Variants in PPP2CB observed in about 807,000 individuals in gnomAD.
The protein encoded by PPP2CB is serine/threonine-protein phosphatase 2A catalytic subunit beta isoform.
Under a neutral mutation model 39.1 loss-of-function variants are expected in PPP2CB, and 18 were observed. The observed-to-expected ratio is 0.46, with a 90% CI of 0.32 to 0.68. The LOEUF (loss-of-function observed/expected upper bound fraction) is 0.68. Ranked by LOEUF, PPP2CB falls within the 30% of genes least tolerant of loss-of-function variation. PPP2CB has a pLI of 0.04. For missense variants in PPP2CB, 226 were observed against 396.9 expected (o/e 0.57, Z 3.66); for synonymous variants, 129 against 133.8 (o/e 0.96, Z 0.25).
chr8:30,811,182 T>C (rs993836318), intron 1 of PPP2CB, among the ~76,000 whole-genome samples: 2 of 152,198 alleles, frequency 1.3e-5, no homozygotes, highest in African/African-American at 4.8e-5. Context: ...ACACTCACGA[T>C]GTACAAGAAC....
At position 30,807,045 on chromosome 8, in the gene PPP2CB, G is replaced by C. The variant is rs1563217727; in HGVS notation, c.102+5275C>G. ...TTTAATTTCTTTACCTGTCCACTAA[G>C]AGGCTGGCTTAGCAAGGAAAACAAT... On this transcript the variant is annotated intron_variant, in intron 1 of 6. Coordinates refer to ENST00000221138, the MANE Select transcript of PPP2CB (RefSeq NM_001009552.2). Among the ~76,000 whole-genome samples, 5 of 152,290 alleles carry C rather than the reference G, an allele frequency of 3.3e-5. No homozygotes were observed. The South Asian group carries it at 6.2e-4, about 19-fold the overall frequency.
intron 6 of PPP2CB, among the ~76,000 whole-genome samples, chr8:30,790,748 T>C (rs147267516): frequency 1.6e-4 from 24 of 152,282 alleles, no homozygotes; most frequent in Non-Finnish European, 3.1e-4. Context: ...AACTCCAGAC[T>C]AGGAGAGGTG....
At chr8:30,807,008 A>G (rs1424708866) in intron 1 of PPP2CB, among the ~76,000 whole-genome samples, 2 of 152,240 alleles carry the variant, frequency 1.3e-5, no homozygotes, top group African/African-American at 4.8e-5. Flanking sequence ...AGTTCATGCT[A>G]GTCTAGTTTG....
chr8:30,812,328 A>G lies in PPP2CB; in HGVS notation c.94T>C (p.Cys32Arg). 6.5e-7 allele frequency: 1 copy of G among 1,529,650 alleles called. No homozygotes were observed. The highest frequency in any genetic ancestry group is 1.4e-5 in the African/African-American group (1 of 70,226). The allele number at this position is 1,529,650 out of a possible 1,614,324, so 94.8% of individuals were successfully genotyped here. The change falls in exon 1 of 7, where the codon TGC becomes CGC. Residue 32 changes from cysteine (C) to arginine (R), a missense_variant. Physicochemically the swap from Cys to Arg is radical, Grantham distance 180. Coordinates refer to ENST00000221138, the MANE Select transcript of PPP2CB (RefSeq NM_001009552.2). ...CCCCGCGGCGCCCTCACCTTCTCGC[A>G]CAGCGTCCGCACTTGGTTCTCGTTC... Reference protein sequence around the residue: ...QLNENQVRTLCEKAKEILTKE... With the variant: ...QLNENQVRTLREKAKEILTKE...
At chr8:30,804,297 T>A (rs529693577) in intron 1 of PPP2CB, among the ~76,000 whole-genome samples, 14 of 152,294 alleles carry the variant, frequency 9.2e-5, no homozygotes, top group African/African-American at 2.4e-4. Flanking sequence ...GGAATAAAAA[T>A]CTGTATAGTG....
intron 2 of PPP2CB, 71 bp downstream of exon 2, chr8:30,799,475 T>C: frequency 1.6e-6 from 2 of 1,232,362 alleles, no homozygotes; most frequent in Admixed American, 1.9e-5. Context: ...ACAGATGATA[T>C]GCAATACTGT....
At chr8:30,790,723 G>C (rs1806415418) in intron 6 of PPP2CB, among the ~76,000 whole-genome samples, 1 of 152,222 alleles carries the variant, frequency 6.6e-6, no homozygotes, top group African/African-American at 2.4e-5. Flanking sequence ...TGTCTACCAG[G>C]AGTAGAGCTT....
intron 1 of PPP2CB, among the ~76,000 whole-genome samples, chr8:30,811,501 A>T (rs1806825268): frequency 6.9e-6 from 1 of 144,738 alleles, no homozygotes; most frequent in African/African-American, 2.7e-5. Context: ...TTCAAGAATC[A>T]GCGATTTTTT....
intron 5 of PPP2CB, chr8:30,793,531 A>G: frequency 6.2e-6 from 1 of 161,836 alleles, no homozygotes; most frequent in Non-Finnish European, 1.3e-5. Flanking sequence ...TACAAAATAC[A>G]CATAGAAAGT....
At chr8:30,804,303 T>C (rs1043417748) in intron 1 of PPP2CB, among the ~76,000 whole-genome samples, 2 of 152,200 alleles carry the variant, frequency 1.3e-5, no homozygotes, top group Non-Finnish European at 2.9e-5. Flanking sequence ...AAAATCTGTA[T>C]AGTGAAGAAT....
chr8:30,786,365 G>C (rs1378883236), intron 6 of PPP2CB, 58 bp from the exon 7 acceptor site: 3 of 1,377,164 alleles, frequency 2.2e-6, no homozygotes, highest in African/African-American at 1.5e-5. Flanking sequence ...GAAAACAAAT[G>C]AATAAAGAAC....
At chr8:30,790,195 T>C (rs546247806) in intron 6 of PPP2CB, among the ~76,000 whole-genome samples, 4 of 152,210 alleles carry the variant, frequency 2.6e-5, no homozygotes, top group Non-Finnish European at 5.9e-5. Context: ...GTACAATCTA[T>C]GTGTGGCTTG....
At chr8:30,804,064 G>T (rs1450802271) in intron 1 of PPP2CB, among the ~76,000 whole-genome samples, 1 of 151,992 alleles carries the variant, frequency 6.6e-6, no homozygotes, top group Non-Finnish European at 1.5e-5. Context: ...CTCGTGATCC[G>T]CCCGCCTCGG....
intron 1 of PPP2CB, among the ~76,000 whole-genome samples, chr8:30,801,465 C>T (rs962523068): frequency 2.7e-5 from 4 of 150,900 alleles, no homozygotes; most frequent in East Asian, 3.9e-4. Flanking sequence ...ACCTGGGAGG[C>T]GGAGCTTGCA....
At chr8:30,802,616 A>G (rs1806645313) in intron 1 of PPP2CB, among the ~76,000 whole-genome samples, 1 of 152,158 alleles carries the variant, frequency 6.6e-6, no homozygotes, top group Non-Finnish European at 1.5e-5. Flanking sequence ...AAGTGCTGAG[A>G]TTGCAGGTCT....
At chr8:30,811,369 T>C (rs757216787) in intron 1 of PPP2CB, among the ~76,000 whole-genome samples, 8 of 152,282 alleles carry the variant, frequency 5.3e-5, no homozygotes, top group Non-Finnish European at 1.2e-4. Flanking sequence ...ATCAACACTT[T>C]ACTTCCAAGA....
intron 5 of PPP2CB, among the ~76,000 whole-genome samples, chr8:30,792,201 C>T (rs1259191924): frequency 1.3e-5 from 2 of 151,904 alleles, no homozygotes; most frequent in Non-Finnish European, 2.9e-5. Context: ...ACTACAGGTG[C>T]GTGCCACCAC....
Position 30,793,976 on chromosome 8 carries a change from T to A in PPP2CB, c.679A>T (p.Thr227Ser). 6.2e-7 allele frequency: 1 copy of A among 1,613,982 alleles called. No individual in the cohort carries two copies. The highest frequency in any genetic ancestry group is 8.5e-7 in the Non-Finnish European group (1 of 1,179,952). ...GTGAGACCATTGGCATGGTTAAAGG[T>A]TTCAGAAATGTCTTGTCCAAATGTG... ...GYTFGQDISE[T>S]FNHANGLTLV... Residue 227 changes from threonine to serine, a missense_variant, in exon 5 of 7, where the codon ACC (threonine) becomes TCC (serine). Transcript: ENST00000221138.
At chr8:30,792,263 C>T (rs576961149) in intron 5 of PPP2CB, among the ~76,000 whole-genome samples, 1 of 152,280 alleles carries the variant, frequency 6.6e-6, no homozygotes, top group South Asian at 2.1e-4. Flanking sequence ...CCATGTTGCC[C>T]AGGCTGGTCT....
Sources: gnomAD v4.1 joint callset for allele counts (sites outside exome capture counted in the v4.1 genomes callset) on GRCh38, gnomAD v4.1.1 for gene constraint, MANE v1.5 for transcripts, NCBI Gene and HGNC (gene_info 2026-07-23, HGNC 2026-07-21) for gene names.